LRRTM4: variants seen among roughly 807,000 people sequenced by gnomAD.
The protein encoded by LRRTM4 is leucine rich repeat transmembrane neuronal 4.
In LRRTM4, 25 loss-of-function variants were observed where a neutral mutation model predicts 47.6. The observed-to-expected ratio is 0.53, with a 90% CI of 0.38 to 0.73. The LOEUF (loss-of-function observed/expected upper bound fraction) is 0.73, where lower values mean the gene tolerates loss of function less well. Ranked by LOEUF, LRRTM4 falls within the 30% of genes least tolerant of loss-of-function variation. LRRTM4 has a pLI of 0.00. For synonymous variants in LRRTM4, 311 were observed against 269.5 expected, an observed-to-expected ratio of 1.15 and a Z score of -1.51; for missense variants, 638 against 713.4, an observed-to-expected ratio of 0.89 and a Z score of 1.20.
At chr2:77,355,245 T>C (rs1671925926) in intron 3 of LRRTM4, among the ~76,000 whole-genome samples, 1 of 152,288 alleles carries the variant, frequency 6.6e-6, no homozygotes, top group East Asian at 1.9e-4. Flanking sequence ...TTCCAGTTCA[T>C]ATCAAAATAA....
chr2:76,903,266 G>T (rs72821265), intron 3 of LRRTM4, among the ~76,000 whole-genome samples: 21,964 of 152,142 alleles, frequency 0.14, 2,004 homozygotes, highest in Admixed American at 0.22. Flanking sequence ...GCTGGGTGTG[G>T]TGGAGGACAC....
intron 3 of LRRTM4, among the ~76,000 whole-genome samples, chr2:77,115,608 C>T (rs548455475): frequency 2.9e-4 from 44 of 152,102 alleles, no homozygotes; most frequent in Non-Finnish European, 5.3e-4. Context: ...CAACAGAAAG[C>T]AAAACACAAG....
chr2:77,393,006 T>G (rs1673562241), intron 3 of LRRTM4, among the ~76,000 whole-genome samples: 1 of 151,932 alleles, frequency 6.6e-6, no homozygotes, highest in Admixed American at 6.6e-5. Context: ...ACTTTTCGGT[T>G]AAAAAAAGAA....
intron 3 of LRRTM4, among the ~76,000 whole-genome samples, chr2:77,451,170 A>T (rs1458578101): frequency 6.6e-6 from 1 of 152,084 alleles, no homozygotes; most frequent in Non-Finnish European, 1.5e-5. Flanking sequence ...GTCACATTTG[A>T]TCACCCCCAT....
At chr2:77,300,156 G>T (rs976891444) in intron 3 of LRRTM4, among the ~76,000 whole-genome samples, 1 of 152,034 alleles carries the variant, frequency 6.6e-6, no homozygotes, top group African/African-American at 2.4e-5. Flanking sequence ...GGCCAATGAT[G>T]ATTTTTAAAA....
intron 3 of LRRTM4, among the ~76,000 whole-genome samples, chr2:76,971,213 G>T (rs569668916): frequency 6.6e-6 from 1 of 152,106 alleles, no homozygotes; most frequent in East Asian, 2.0e-4. Flanking sequence ...AGGATCATCT[G>T]TATCTGCATC....
intron 3 of LRRTM4, among the ~76,000 whole-genome samples, chr2:77,284,375 G>C (rs146644975): frequency 1.3e-5 from 2 of 152,070 alleles, no homozygotes; most frequent in African/African-American, 4.8e-5. Context: ...TAAACTGGCT[G>C]GTAATTACAT....
At chr2:77,014,704 T>G (rs1001571908) in intron 3 of LRRTM4, among the ~76,000 whole-genome samples, 1 of 151,896 alleles carries the variant, frequency 6.6e-6, no homozygotes, top group African/African-American at 2.4e-5. Context: ...CCCAGCTACC[T>G]GGGAGGCTGA....
rs1371045223 is a variant in LRRTM4 at position 77,519,725 on chromosome 2, C to T, written c.144G>A (p.Glu48=). 5 of 1,613,398 alleles carry T rather than the reference C, an allele frequency of 3.1e-6. No homozygotes were observed. Among genetic ancestry groups the T allele is most frequent in the Non-Finnish European group, 4.2e-6 (5 of 1,179,582 alleles). ...CAGGGATATCTGCGAAAGCATGAGA[C>T]TCACAGTACACAATTTTGCCATCAC... ...CRCDGKIVYC[E]SHAFADIPEN... is the part of the protein sequence containing the mutation. Residue 48 remains glutamate (E), a synonymous_variant, in exon 3 of 4, where the codon GAG becomes GAA. Coordinates refer to ENST00000409884, the MANE Select transcript of LRRTM4 (RefSeq NM_001134745.3). This position sits in a 1 kb window ranked among gnomAD's most constrained non-coding sequence, Gnocchi z 4.6.
intron 3 of LRRTM4, among the ~76,000 whole-genome samples, chr2:76,923,471 T>TA (rs1449646233): frequency 6.6e-6 from 1 of 152,054 alleles, no homozygotes; most frequent in Non-Finnish European, 1.5e-5. Context: ...AGGGTGTTAA[T>TA]ACGCTCATTG....
intron 3 of LRRTM4, among the ~76,000 whole-genome samples, chr2:77,170,951 G>GTATTATATGTAT (rs10665066): frequency 0.61 from 91,439 of 149,218 alleles, 27,951 homozygotes; most frequent in Admixed American, 0.64. Flanking sequence ...TGTATTATAT[G>GTATTATATGTAT]TATTATATGT....
At chr2:77,010,364 A>G (rs1223303855) in intron 3 of LRRTM4, among the ~76,000 whole-genome samples, 1 of 151,716 alleles carries the variant, frequency 6.6e-6, no homozygotes, top group Non-Finnish European at 1.5e-5. Context: ...TACATTCCAT[A>G]TGTAAATGAG....
intron 3 of LRRTM4, among the ~76,000 whole-genome samples, chr2:77,463,763 C>T (rs1015150339): frequency 6.6e-6 from 1 of 152,054 alleles, no homozygotes; most frequent in Non-Finnish European, 1.5e-5. Context: ...AGTTGCACTG[C>T]AACAGCAGCT....
chr2:77,232,546 C>A (rs1285633901), intron 3 of LRRTM4, among the ~76,000 whole-genome samples: 1 of 152,180 alleles, frequency 6.6e-6, no homozygotes, highest in Non-Finnish European at 1.5e-5. Flanking sequence ...CTTCCACAGG[C>A]ACCTAAGTCT....
chr2:76,846,256 C>T (rs989193241), intron 3 of LRRTM4, among the ~76,000 whole-genome samples: 27 of 152,184 alleles, frequency 1.8e-4, no homozygotes, highest in African/African-American at 6.0e-4. Context: ...AGGCTGGACT[C>T]ACTCCCAAGG....
intron 3 of LRRTM4, among the ~76,000 whole-genome samples, chr2:77,246,135 C>T (rs186788131): frequency 6.6e-6 from 1 of 152,246 alleles, no homozygotes; most frequent in Non-Finnish European, 1.5e-5. Context: ...TAGATATAAA[C>T]ATTTGCAAGT....
chr2:77,437,416 CTT>C (rs1675646958), intron 3 of LRRTM4, among the ~76,000 whole-genome samples: 1 of 151,968 alleles, frequency 6.6e-6, no homozygotes, highest in Admixed American at 6.6e-5. Flanking sequence ...ACCCCACTGA[CTT>C]TTTAAGCCAT....
chr2:76,914,014 T>A (rs1037645232), intron 3 of LRRTM4, among the ~76,000 whole-genome samples: 1 of 151,690 alleles, frequency 6.6e-6, no homozygotes, highest in African/African-American at 2.4e-5. Flanking sequence ...ATTAAAGATA[T>A]AAAATTTAAA....
intron 3 of LRRTM4, among the ~76,000 whole-genome samples, chr2:77,076,424 G>A (rs1473488412): frequency 4.4e-5 from 3 of 67,500 alleles, no homozygotes; most frequent in Non-Finnish European, 7.4e-5. Flanking sequence ...GTTTCAGCCC[G>A]TTACTCCCCT....
Sources: allele counts gnomAD v4.1 joint callset (sites outside exome capture counted in the v4.1 genomes callset), GRCh38; gene constraint gnomAD v4.1.1; non-coding constraint Gnocchi (gnomAD v3.1); transcripts MANE v1.5; gene names NCBI Gene and HGNC (gene_info 2026-07-23, HGNC 2026-07-21).